NPLOC4: variants seen among roughly 807,000 people sequenced by gnomAD.
NPLOC4 encodes NPL4 homolog, ubiquitin recognition factor.
A neutral mutation model predicts 80.6 loss-of-function variants in NPLOC4; 18 were observed. That is an observed-to-expected ratio of 0.22 (90% CI 0.15 to 0.33). The LOEUF is 0.33. Among genes scored for constraint, NPLOC4 ranks in the 10% least tolerant of loss-of-function variants. The probability of loss-of-function intolerance (pLI) is 1.00; values close to 1 mark genes in which losing one functional copy is unlikely to be tolerated. For missense variants in NPLOC4, 540 were observed against 786.1 expected (o/e 0.69, Z 3.74); for synonymous variants, 313 against 301.5 (o/e 1.04, Z -0.39).
In NPLOC4 at chr17:81,588,977, G is replaced by A. The variant is rs745676071; in HGVS notation, c.1248C>T (p.Ser416=). The A allele has an allele frequency of 6.2e-7, 1 of 1,613,986 alleles. No individual in the cohort carries two copies. Among genetic ancestry groups the A allele is most frequent in the African/African-American group, 1.3e-5 (1 of 75,060 alleles). ...ACACATCAGGCACGTACTGCTCACT[G>A]CTAGACTCCTTGGCGTAGCCAAGCT... ...APELGYAKES[S]SEQYVPDVFY... is the part of the protein sequence containing the mutation. The change falls in exon 12 of 17, where the codon AGC becomes AGT. Residue 416 remains serine (S), a synonymous_variant. Coordinates refer to ENST00000331134, the MANE Select transcript of NPLOC4 (RefSeq NM_017921.4).
In NPLOC4 at chr17:81,576,853, C is replaced by T. The variant is rs765408341; in HGVS notation, c.1282-4765G>A. Among the ~76,000 whole-genome samples the T allele has an allele frequency of 7.2e-5, 11 of 152,294 alleles. No homozygotes were observed. In the South Asian group the frequency reaches 1.5e-3, roughly 20 times the overall value. On this transcript the variant is annotated intron_variant, in intron 12 of 16. Coordinates refer to ENST00000331134, the MANE Select transcript of NPLOC4 (RefSeq NM_017921.4). The stretch of plus-strand genomic sequence containing the variant: ...GCCTGCCTGGTCCTTGCCAGAGTCA[C>T]GGGCGCGAGGGCAAGGCTGGTCTGC...
Position 81,625,478 on chromosome 17 carries a change from C to G in NPLOC4, c.97-3200G>C, listed in dbSNP as rs79530192. 4.8e-3 allele frequency among the ~76,000 whole-genome samples: 733 copies of G among 152,224 alleles called. 3 individuals carry two copies. The highest frequency in any genetic ancestry group is 7.8e-3 in the Non-Finnish European group (529 of 68,006). The stretch of plus-strand genomic sequence containing the variant: ...TGTGAATCTCGGTAAAGAAACAAAT[C>G]ATAAAAGAACAATCAAATGGAAATT... On this transcript the variant is annotated intron_variant, in intron 2 of 16. Transcript: ENST00000331134.
chr17:81,575,603 A>G (rs56263206), intron 12 of NPLOC4, among the ~76,000 whole-genome samples: 22,673 of 152,174 alleles, frequency 0.15, 2,042 homozygotes, highest in Admixed American at 0.23. Flanking sequence ...CTCCTAAAGC[A>G]ATCGGCAAGG....
At chr17:81,614,965 G>T (rs1215628733) in intron 3 of NPLOC4, among the ~76,000 whole-genome samples, 2 of 152,186 alleles carry the variant, frequency 1.3e-5, no homozygotes. Flanking sequence ...AGAGGCCAAA[G>T]TGCAGGCCCT....
chr17:81,613,882 C>T lies in NPLOC4; in HGVS notation c.210-388G>A, dbSNP rs1178147786. Among the ~76,000 whole-genome samples the T allele has an allele frequency of 3.9e-5, 6 of 152,014 alleles. No individual in the cohort carries two copies. The South Asian group carries it at 1.2e-3, about 32-fold the overall frequency. On this transcript the variant is annotated intron_variant, in intron 3 of 16. Transcript: ENST00000331134. ...CTGGCCTCTGGGAGGCTCTCTCCTC[C>T]CCCAACACTGCATGTGCTGGTTGCA...
intron 13 of NPLOC4, among the ~76,000 whole-genome samples, chr17:81,570,304 C>T (rs371263349): frequency 1.3e-5 from 2 of 152,242 alleles, no homozygotes; most frequent in South Asian, 2.1e-4. Flanking sequence ...GAGTACTCGC[C>T]TCCTGGGTGC....
intron 5 of NPLOC4, 132 bp downstream of exon 5, chr17:81,610,078 G>T: frequency 1.4e-6 from 1 of 713,244 alleles, no homozygotes; most frequent in South Asian, 1.9e-5. Flanking sequence ...ATGAGGCCCA[G>T]GGCAATAAAT....
At chr17:81,615,100 C>CTTTTT (rs1555686152) in intron 3 of NPLOC4, among the ~76,000 whole-genome samples, 3 of 133,578 alleles carry the variant, frequency 2.2e-5, no homozygotes, top group African/African-American at 2.9e-5. Context: ...ACGTCTGTTT[C>CTTTTT]TTTTTTTTTT....
intron 3 of NPLOC4, among the ~76,000 whole-genome samples, chr17:81,615,718 G>A (rs1176000639): frequency 1.3e-5 from 2 of 152,196 alleles, no homozygotes; most frequent in Non-Finnish European, 2.9e-5. Context: ...GGGCAGCTGA[G>A]TCCGAAACTT....
intron 14 of NPLOC4, 106 bp downstream of exon 14, chr17:81,568,910 G>C: frequency 1.3e-6 from 1 of 772,796 alleles, no homozygotes; most frequent in Non-Finnish European, 2.2e-6. Context: ...TCACAAGAAT[G>C]AATCGGGAGC....
rs535888274 is a variant in NPLOC4 at position 81,597,401 on chromosome 17, A to G, written c.922-85T>C. The G allele has an allele frequency of 1.1e-5, 12 of 1,057,798 alleles. No homozygotes were observed. In the Admixed American group the frequency reaches 2.1e-4, roughly 18 times the overall value. The allele number at this position is 1,057,798 out of a possible 1,614,324, so 65.5% of individuals were successfully genotyped here. A position where few individuals can be genotyped will look rare whatever the true frequency, so the allele number is the denominator to read the frequency against. ...CGCAGTGACTCACGCCTATAATCAC[A>G]GCACTTTGAGAGGCCGAGGCAGGAG... On this transcript the variant is annotated intron_variant, in intron 9 of 16. Coordinates refer to ENST00000331134, the MANE Select transcript of NPLOC4 (RefSeq NM_017921.4).
intron 2 of NPLOC4, among the ~76,000 whole-genome samples, chr17:81,626,410 C>T (rs2035797491): frequency 6.6e-6 from 1 of 151,940 alleles, no homozygotes; most frequent in African/African-American, 2.4e-5. Flanking sequence ...CAAATAGCAA[C>T]TCCAGGAAGT....
chr17:81,599,872 G>C (rs747178868), intron 9 of NPLOC4, among the ~76,000 whole-genome samples: 2 of 152,212 alleles, frequency 1.3e-5, no homozygotes, highest in African/African-American at 4.8e-5. Flanking sequence ...TGATGACGGA[G>C]CAGCAGAAGC....
In NPLOC4 at chr17:81,613,431, C is replaced by T. The variant is rs17852306; in HGVS notation, c.273G>A (p.Thr91=). 14 of 1,613,856 alleles carry T rather than the reference C, an allele frequency of 8.7e-6. No individual in the cohort carries two copies. The highest frequency in any genetic ancestry group is 3.3e-5 in the South Asian group (3 of 91,078). Residue 91 remains threonine (T), a synonymous_variant, in exon 4 of 17, where the codon ACG becomes ACA. Transcript: ENST00000331134. ...AGACTTTGAAGCCCGGTGGAACTGA[C>T]GTCTCCATTTCAGATGAGGGCCCAG... ...SLAGPSSEME[T]SVPPGFKVFG... is the part of the protein sequence containing the mutation.
chr17:81,634,758 T>A (rs1407204930), intron 1 of NPLOC4, among the ~76,000 whole-genome samples: 1 of 152,018 alleles, frequency 6.6e-6, no homozygotes, highest in Non-Finnish European at 1.5e-5. Flanking sequence ...GCTAATTTTT[T>A]ATTTTTAGTA....
chr17:81,594,424 C>T (rs1029387720), intron 11 of NPLOC4, among the ~76,000 whole-genome samples: 37 of 151,918 alleles, frequency 2.4e-4, no homozygotes, highest in Admixed American at 2.1e-3. Flanking sequence ...AATCTAAATG[C>T]ACCTTAAATC....
rs2034198990 is a variant in NPLOC4, at chr17:81,572,902, AC to A, written c.1282-815del. ...AATAAAGGCATGCACAAATGAGCGC[AC>A]ACACAAATATGAAGACACGGGAACC... On this transcript the variant is annotated intron_variant, in intron 12 of 16. Transcript: ENST00000331134. This position sits in a 1 kb window ranked among gnomAD's most constrained non-coding sequence, Gnocchi z 4.5. 6.6e-6 allele frequency among the ~76,000 whole-genome samples: 1 copy of A among 152,238 alleles called. No homozygotes were observed. Among genetic ancestry groups the A allele is most frequent in the African/African-American group, 2.4e-5 (1 of 41,460 alleles).
At chr17:81,563,116 C>T (rs1036527512) in intron 16 of NPLOC4, 1 of 151,394 alleles carries the variant, frequency 6.6e-6, no homozygotes, top group Non-Finnish European at 1.5e-5. Flanking sequence ...TGCTCTGTCG[C>T]CCAGGCTGGA....
intron 3 of NPLOC4, among the ~76,000 whole-genome samples, chr17:81,616,735 A>G (rs1375420013): frequency 6.6e-6 from 1 of 152,042 alleles, no homozygotes; most frequent in Non-Finnish European, 1.5e-5. Context: ...ATCTCAAAAA[A>G]AAAAAAAAGA....
Sources: gnomAD v4.1 joint callset for allele counts (sites outside exome capture counted in the v4.1 genomes callset) on GRCh38, gnomAD v4.1.1 for gene constraint, Gnocchi (gnomAD v3.1) non-coding constraint, MANE v1.5 for transcripts, NCBI Gene and HGNC (gene_info 2026-07-23, HGNC 2026-07-21) for gene names.